The following GLCCI1 variants were observed in gnomAD, a reference collection of about 807,000 sequenced individuals.
The protein encoded by GLCCI1 is glucocorticoid induced 1.
In GLCCI1, 24 loss-of-function variants were observed where a neutral mutation model predicts 52.2. The observed-to-expected ratio is 0.46, with a 90% CI of 0.33 to 0.65. GLCCI1 has a LOEUF of 0.65. GLCCI1 is among the 30% of genes least tolerant of loss of function. The pLI is 0.02. For missense variants in GLCCI1, 704 were observed against 701.5 expected (o/e 1.00, Z -0.04); for synonymous variants, 310 against 276.5 (o/e 1.12, Z -1.20).
intron 1 of GLCCI1, among the ~76,000 whole-genome samples, chr7:7,988,399 G>A (rs561480178): frequency 7.9e-5 from 12 of 152,166 alleles, no homozygotes; most frequent in South Asian, 6.2e-4. Flanking sequence ...AAGAACTTTC[G>A]AATAAGTTAT....
At chr7:8,059,985 G>C (rs1011603040) in intron 4 of GLCCI1, 111 bp from the exon 5 acceptor site, 1 of 906,252 alleles carries the variant, frequency 1.1e-6, no homozygotes, top group African/African-American at 1.7e-5. Flanking sequence ...TATTTGAAAG[G>C]TCAGAAATAA....
chr7:7,969,336 G>T lies in GLCCI1; in HGVS notation c.-15G>T, dbSNP rs767433629. On this transcript the variant is annotated 5_prime_UTR_variant, in exon 1 of 8. Transcript: ENST00000223145. This position sits in a 1 kb window ranked among gnomAD's most constrained non-coding sequence, Gnocchi z 4.9. ...TCCGTGTCGGCCGGCGGCGTCCAGG[G>T]CCCGCAGAGCCACCATGTCCACTGC... 4.1e-6 allele frequency: 6 copies of T among 1,466,724 alleles called. No homozygotes were observed. In the South Asian group the frequency reaches 5.0e-5, roughly 12 times the overall value. 90.9% of individuals were successfully genotyped at this position (1,466,724 alleles called of 1,614,324 possible). A position where few individuals can be genotyped will look rare whatever the true frequency, so the allele number is the denominator to read the frequency against.
chr7:8,010,199 G>A lies in GLCCI1; in HGVS notation c.609+6140G>A, dbSNP rs553335871. On this transcript the variant is annotated intron_variant, in intron 2 of 7. Coordinates refer to ENST00000223145, the MANE Select transcript of GLCCI1 (RefSeq NM_138426.4). ...GTCTATTAAACTAGAAGACATGATG[G>A]TGTTAATCTACAGAGCTAATTTTCA... 2.6e-5 allele frequency among the ~76,000 whole-genome samples: 4 copies of A among 152,266 alleles called. No homozygotes were observed. In the East Asian group the frequency reaches 7.7e-4, roughly 29 times the overall value.
chr7:8,086,086 C>A lies in GLCCI1; in HGVS notation c.1299-107C>A. 1.1e-6 allele frequency: 1 copy of A among 929,852 alleles called. No individual in the cohort carries two copies. The highest frequency in any genetic ancestry group is 1.6e-6 in the Non-Finnish European group (1 of 612,370). The allele number at this position is 929,852 out of a possible 1,614,324, so 57.6% of individuals were successfully genotyped here. A position where few individuals can be genotyped will look rare whatever the true frequency, so the allele number is the denominator to read the frequency against. The stretch of plus-strand genomic sequence containing the variant: ...CCCTCTGTATACACTTAACCCATCT[C>A]CTGCCATTTACATTTTAGCTGTTTT... On this transcript the variant is annotated intron_variant, in intron 7 of 7. Transcript: ENST00000223145. This position sits in a 1 kb window ranked among gnomAD's most constrained non-coding sequence, Gnocchi z 4.4.
intron 1 of GLCCI1, among the ~76,000 whole-genome samples, chr7:7,970,665 A>G (rs1780331850): frequency 6.6e-6 from 1 of 151,868 alleles, no homozygotes; most frequent in African/African-American, 2.4e-5. Flanking sequence ...GGTTTCCCTT[A>G]GTGTTTTCTG....
At chr7:8,075,147 G>C (rs1478183372) in intron 6 of GLCCI1, among the ~76,000 whole-genome samples, 1 of 152,170 alleles carries the variant, frequency 6.6e-6, no homozygotes, top group Non-Finnish European at 1.5e-5. Flanking sequence ...TATTATCAAT[G>C]TGCATCGCAC....
intron 1 of GLCCI1, among the ~76,000 whole-genome samples, chr7:7,976,485 A>AAAAAAAAAAAC (rs1335966876): frequency 1.4e-5 from 2 of 144,442 alleles, no homozygotes; most frequent in East Asian, 3.9e-4. Context: ...ATCTCAAAAA[A>AAAAAAAAAAAC]AAAAAAAAAA....
chr7:8,044,455 AC>A (rs1461490340), intron 3 of GLCCI1, among the ~76,000 whole-genome samples: 1 of 148,992 alleles, frequency 6.7e-6, no homozygotes, highest in African/African-American at 2.5e-5. Context: ...TGCGGCCTCG[AC>A]CTCCTGGGTT....
intron 5 of GLCCI1, among the ~76,000 whole-genome samples, chr7:8,063,615 C>CTTTT (rs917291629): frequency 2.7e-4 from 31 of 113,658 alleles, no homozygotes; most frequent in African/African-American, 4.0e-4. Context: ...ACTTTTCTTC[C>CTTTT]TTTTTTTTTT....
At chr7:7,988,477 T>G (rs1484068867) in intron 1 of GLCCI1, among the ~76,000 whole-genome samples, 1 of 152,128 alleles carries the variant, frequency 6.6e-6, no homozygotes, top group Non-Finnish European at 1.5e-5. Context: ...GAGGTCACAT[T>G]GAGGAATTAT....
intron 2 of GLCCI1, 79 bp downstream of exon 2, chr7:8,004,138 T>A (rs1781101511): frequency 7.0e-6 from 9 of 1,282,962 alleles, no homozygotes; most frequent in Non-Finnish European, 9.5e-6. Context: ...TGTAATATAA[T>A]CAAATTTCCC....
chr7:8,082,045 A>G (rs1783006766), intron 6 of GLCCI1, among the ~76,000 whole-genome samples: 2 of 152,206 alleles, frequency 1.3e-5, no homozygotes, highest in African/African-American at 2.4e-5. Context: ...AAAACTTACC[A>G]TTACTGGTAA....
chr7:7,997,824 G>A (rs764242376), intron 1 of GLCCI1, among the ~76,000 whole-genome samples: 20 of 151,998 alleles, frequency 1.3e-4, no homozygotes, highest in Non-Finnish European at 2.5e-4. Flanking sequence ...CTACTCGGGA[G>A]CCTGAGACAT....
chr7:8,061,686 A>G (rs1411256028), intron 5 of GLCCI1, among the ~76,000 whole-genome samples: 1 of 23,704 alleles, frequency 4.2e-5, no homozygotes, highest in East Asian at 9.1e-4. Context: ...TTTTTTTTTG[A>G]GACAGGGTCT....
intron 1 of GLCCI1, among the ~76,000 whole-genome samples, chr7:7,997,790 T>A (rs1319679683): frequency 2.0e-5 from 3 of 152,042 alleles, no homozygotes; most frequent in Middle Eastern, 6.8e-3. Context: ...TAGCCAGACA[T>A]GTTGGTTCAT....
chr7:8,075,517 G>C (rs1782859088), intron 6 of GLCCI1, among the ~76,000 whole-genome samples: 1 of 152,172 alleles, frequency 6.6e-6, no homozygotes, highest in South Asian at 2.1e-4. Context: ...AACAAAAATA[G>C]CCATTTATAT....
At chr7:8,033,335 G>C (rs531896532) in intron 3 of GLCCI1, among the ~76,000 whole-genome samples, 8 of 151,924 alleles carry the variant, frequency 5.3e-5, no homozygotes, top group Non-Finnish European at 1.2e-4. Context: ...TTCTCCTAAG[G>C]AACAAGGCAA....
chr7:8,010,682 C>G (rs1464407995), intron 2 of GLCCI1, among the ~76,000 whole-genome samples: 1 of 151,804 alleles, frequency 6.6e-6, no homozygotes, highest in Non-Finnish European at 1.5e-5. Context: ...GCAAAATAAT[C>G]CATAATATAG....
At chr7:8,079,358 T>C (rs1782945324) in intron 6 of GLCCI1, among the ~76,000 whole-genome samples, 1 of 151,846 alleles carries the variant, frequency 6.6e-6, no homozygotes, top group Non-Finnish European at 1.5e-5. Context: ...TAAGATTGTA[T>C]TACAGTGATT....
Sources: gnomAD v4.1 joint callset for allele counts (sites outside exome capture counted in the v4.1 genomes callset) on GRCh38, gnomAD v4.1.1 for gene constraint, Gnocchi (gnomAD v3.1) non-coding constraint, MANE v1.5 for transcripts, NCBI Gene and HGNC (gene_info 2026-07-23, HGNC 2026-07-21) for gene names.